Variants in ZNF57 observed in about 807,000 individuals in gnomAD.
ZNF57 encodes zinc finger protein 424.
In ZNF57, 11 loss-of-function variants were observed where a neutral mutation model predicts 13.4. The ratio of observed to expected loss-of-function variants is 0.82; its 90% CI spans 0.52 to 1.36. ZNF57 has a LOEUF of 1.36. Among genes scored for constraint, ZNF57 ranks in the 40% most tolerant of loss-of-function variants. The pLI, the probability that ZNF57 is intolerant of heterozygous loss-of-function variation, is 0.00. For synonymous variants in ZNF57, 224 were observed against 238.5 expected, an observed-to-expected ratio of 0.94 and a Z score of 0.56; for missense variants, 696 against 667.5, an observed-to-expected ratio of 1.04 and a Z score of -0.47.
intron 1 of ZNF57, among the ~76,000 whole-genome samples, chr19:2,912,857 G>C (rs944574426): frequency 4.6e-5 from 7 of 152,150 alleles, no homozygotes; most frequent in Non-Finnish European, 1.0e-4. Flanking sequence ...TAGTGGGTGA[G>C]AAGTGGTATC....
At chr19:2,914,535 G>A (rs2088171526) in intron 1 of ZNF57, among the ~76,000 whole-genome samples, 2 of 152,188 alleles carry the variant, frequency 1.3e-5, no homozygotes, top group Admixed American at 6.5e-5. Context: ...GATTACAGGC[G>A]TGAGCCACTG....
Position 2,909,694 on chromosome 19 carries a change from A to G in ZNF57, c.4-5828A>G, listed in dbSNP as rs1376766828. ...AGGTCTTTAGCCTCCACACCTGGCT[A>G]ATTTTTTCTTAATTTTAGAAATGGG... is the stretch of plus-strand genomic sequence containing the variant. On this transcript the variant is annotated intron_variant, in intron 1 of 3. Transcript: ENST00000306908. Among the ~76,000 whole-genome samples, 2 of 46,662 alleles carry G rather than the reference A, an allele frequency of 4.3e-5. 1 individual carries two copies. Among genetic ancestry groups the G allele is most frequent in the East Asian group, 8.6e-4 (2 of 2,334 alleles). The allele number at this position is 46,662 out of a possible 152,430, so 30.6% of individuals were successfully genotyped here.
intron 1 of ZNF57, 141 bp downstream of exon 1, chr19:2,901,189 C>T (rs948386845): frequency 2.7e-5 from 32 of 1,185,874 alleles, no homozygotes; most frequent in Non-Finnish European, 3.4e-5. Context: ...GACCCGGGGA[C>T]GCCATCACAG....
chr19:2,910,854 G>C (rs146044035), intron 1 of ZNF57, among the ~76,000 whole-genome samples: 1,883 of 140,166 alleles, frequency 0.013, 158 homozygotes, highest in East Asian at 0.081. Context: ...TCGGCCTCCG[G>C]AAGTGCTGGG....
intron 1 of ZNF57, among the ~76,000 whole-genome samples, chr19:2,905,310 A>G (rs1033224763): frequency 6.8e-6 from 1 of 147,544 alleles, no homozygotes; most frequent in East Asian, 2.0e-4. Context: ...GATTACAGGC[A>G]CATGCCAGCA....
chr19:2,915,807 T>G, intron 2 of ZNF57, 159 bp downstream of exon 2: 2 of 1,223,488 alleles, frequency 1.6e-6, no homozygotes, highest in Non-Finnish European at 2.4e-6. Context: ...AGTGAAAACA[T>G]GTGTGAAACA....
rs1437588011 is a variant in ZNF57, at chr19:2,915,517, C to G, written c.4-5C>G. The G allele has an allele frequency of 1.9e-6, 3 of 1,613,512 alleles. No homozygotes were observed. The highest frequency in any genetic ancestry group is 2.5e-6 in the Non-Finnish European group (3 of 1,179,684). Reference sequence around the variant, plus strand: ...CCTCCTGCACACCTGTGTGGTTTGTCTTAGGACTCAGTGGTCTTTGAGGAT... The same window carrying G: ...CCTCCTGCACACCTGTGTGGTTTGTGTTAGGACTCAGTGGTCTTTGAGGAT... On this transcript the variant is annotated splice_polypyrimidine_tract_variant and splice_region_variant and intron_variant, in intron 1 of 3. Coordinates refer to ENST00000306908, the MANE Select transcript of ZNF57 (RefSeq NM_173480.3).
chr19:2,913,499 A>AT (rs2088159443), intron 1 of ZNF57, among the ~76,000 whole-genome samples: 1 of 151,926 alleles, frequency 6.6e-6, no homozygotes. Flanking sequence ...TTATGTCTTT[A>AT]TTTTACATCC....
At position 2,900,957 on chromosome 19, in the gene ZNF57, G is replaced by T. The variant is rs1043370882; in HGVS notation, c.-89G>T. The T allele has an allele frequency of 3.2e-5, 48 of 1,517,438 alleles. No individual in the cohort carries two copies. The African/African-American group carries it at 4.1e-4, about 13-fold the overall frequency. The allele number at this position is 1,517,438 out of a possible 1,614,324, so 94.0% of individuals were successfully genotyped here. Reference sequence around the variant, plus strand: ...CTGCCGCGCGTGCCCTGCCTACCACGAGCGGCCCGGGAGTACCTGTACCTT... The same window carrying T: ...CTGCCGCGCGTGCCCTGCCTACCACTAGCGGCCCGGGAGTACCTGTACCTT... On this transcript the variant is annotated 5_prime_UTR_variant, in exon 1 of 4. Coordinates refer to ENST00000306908, the MANE Select transcript of ZNF57 (RefSeq NM_173480.3).
intron 3 of ZNF57, 51 bp downstream of exon 3, chr19:2,916,300 C>A (rs746150840): frequency 6.9e-7 from 1 of 1,452,006 alleles, no homozygotes; most frequent in South Asian, 1.5e-5. Context: ...AAATATATAT[C>A]TAAGTATTGC....
rs781467256 is a variant in ZNF57, at chr19:2,918,277, G to A, written c.1656G>A (p.Glu552=). The change falls in exon 4 of 4, where the codon GAG becomes GAA. Residue 552 remains glutamate, a synonymous_variant. Coordinates refer to ENST00000306908, the MANE Select transcript of ZNF57 (RefSeq NM_173480.3). ...AAGTCATTCTTTCTAAAACCAGTGA[G>A]AGCACACACTAAAGAGAAATTCTAT... ...SCQVILSKTS[E]STH The A allele has an allele frequency of 1.2e-6, 2 of 1,602,316 alleles. No homozygotes were observed. Among genetic ancestry groups the A allele is most frequent in the Non-Finnish European group, 1.7e-6 (2 of 1,173,444 alleles).
rs1216696339 is a variant in ZNF57 at position 2,917,052 on chromosome 19, A to T, written c.431A>T (p.Lys144Met). The T allele has an allele frequency of 1.2e-6, 2 of 1,614,074 alleles. No individual in the cohort carries two copies. Among genetic ancestry groups the T allele is most frequent in the East Asian group, 4.5e-5 (2 of 44,898 alleles). The change falls in exon 4 of 4, where the codon AAG becomes ATG. Residue 144 changes from lysine (K) to methionine (M), a missense_variant. Around this residue, in one of 3 missense-constraint regions of ZNF57, gnomAD observed 645 missense variants for 591.5 expected, o/e 1.09. Coordinates refer to ENST00000306908, the MANE Select transcript of ZNF57 (RefSeq NM_173480.3). Reference protein sequence around the residue: ...SAGEKPYECTKCRTVFTHLSS... With the variant: ...SAGEKPYECTMCRTVFTHLSS... ...GGAGAAAAACCATATGAATGCACCA[A>T]GTGCAGGACAGTCTTCACGCATCTT...
In ZNF57 at chr19:2,916,146, A is replaced by G. The variant is rs1178186810; in HGVS notation, c.199A>G (p.Lys67Glu). Residue 67 changes from lysine (K) to glutamate (E), a missense_variant, in exon 3 of 4, where the codon AAG becomes GAG. Physicochemically the swap from Lys to Glu is moderately conservative, Grantham distance 56. Transcript: ENST00000306908. ...LQDMYGQEKS[K>E]EQTIPNFTGN... ...GGATATGTACGGGCAAGAAAAATCT[A>G]AGGAACAGACAATACCAAACTTCAC... The G allele has an allele frequency of 6.2e-7, 1 of 1,614,030 alleles. No individual in the cohort carries two copies.
At chr19:2,908,368 A>G (rs1186398888) in intron 1 of ZNF57, among the ~76,000 whole-genome samples, 2 of 151,800 alleles carry the variant, frequency 1.3e-5, no homozygotes, top group Non-Finnish European at 2.9e-5. Flanking sequence ...AGTGAACTTC[A>G]CATTCTTTAT....
chr19:2,905,175 CTTTT>C (rs2088061671), intron 1 of ZNF57, among the ~76,000 whole-genome samples: 1 of 151,594 alleles, frequency 6.6e-6, no homozygotes, highest in South Asian at 2.1e-4. Flanking sequence ...ACTATTTTTT[CTTTT>C]TTTGAGATGG....
In ZNF57 at chr19:2,917,335, C is replaced by T; in HGVS notation, c.714C>T (p.Ser238=). The T allele has an allele frequency of 5.0e-6, 8 of 1,614,224 alleles. No homozygotes were observed. The highest frequency in any genetic ancestry group is 6.8e-6 in the Non-Finnish European group (8 of 1,180,034). The change falls in exon 4 of 4, where the codon AGC becomes AGT. Residue 238 remains serine, a synonymous_variant. Transcript: ENST00000306908. ...QCRMAFNGFA[S]FTRHVRTHTK... Reference sequence around the variant, plus strand: ...GGATGGCGTTTAATGGGTTCGCAAGCTTCACTAGACATGTGAGAACTCACA... The same window carrying T: ...GGATGGCGTTTAATGGGTTCGCAAGTTTCACTAGACATGTGAGAACTCACA...
At chr19:2,908,322 C>T (rs2088093837) in intron 1 of ZNF57, among the ~76,000 whole-genome samples, 1 of 151,982 alleles carries the variant, frequency 6.6e-6, no homozygotes, top group South Asian at 2.1e-4. Flanking sequence ...AGGTCATGGG[C>T]GTCTTCATTT....
chr19:2,906,644 A>G (rs1189509772), intron 1 of ZNF57, among the ~76,000 whole-genome samples: 1 of 152,194 alleles, frequency 6.6e-6, no homozygotes, highest in Non-Finnish European at 1.5e-5. Flanking sequence ...CGTGGCTACC[A>G]GGGAGCGTCG....
At position 2,917,714 on chromosome 19, in the gene ZNF57, G is replaced by A. The variant is rs2088222546; in HGVS notation, c.1093G>A (p.Glu365Lys). ...LRTHTGEKPY[E>K]CKQCGKAFTW... ...GACGCACACTGGAGAGAAACCTTAT[G>A]AGTGTAAACAATGTGGGAAAGCCTT... Residue 365 changes from glutamate to lysine, a missense_variant, in exon 4 of 4, where the codon GAG becomes AAG. Glu to Lys is a moderately conservative substitution (Grantham distance 56). This residue lies in a region of ZNF57 where 645 missense variants were observed against 591.5 expected (regional missense o/e 1.09). Coordinates refer to ENST00000306908, the MANE Select transcript of ZNF57 (RefSeq NM_173480.3). 1 of 1,613,608 alleles carries A rather than the reference G, an allele frequency of 6.2e-7. No homozygotes were observed. Among genetic ancestry groups the A allele is most frequent in the African/African-American group, 1.3e-5 (1 of 74,800 alleles).
Sources: gnomAD v4.1 joint callset for allele counts (sites outside exome capture counted in the v4.1 genomes callset) on GRCh38, gnomAD v4.1.1 for gene constraint, gnomAD v4.1.1 regional missense constraint, MANE v1.5 for transcripts, NCBI Gene and HGNC (gene_info 2026-07-23, HGNC 2026-07-21) for gene names.